SEMA6A: variants seen among roughly 807,000 people sequenced by gnomAD.
SEMA6A encodes the protein semaphorin-6A.
SEMA6A carries 25 observed loss-of-function variants against 96.8 expected under a neutral mutation model. The ratio of observed to expected loss-of-function variants is 0.26; its 90% CI spans 0.19 to 0.36. The LOEUF is 0.36. SEMA6A is among the 10% of genes least tolerant of loss of function. The pLI is 1.00. For synonymous variants in SEMA6A, 612 were observed against 518.0 expected, an observed-to-expected ratio of 1.18 and a Z score of -2.46; for missense variants, 1,363 against 1,323.1, an observed-to-expected ratio of 1.03 and a Z score of -0.47.
In SEMA6A at chr5:116,467,800, C is replaced by T. The variant is rs765394465; in HGVS notation, c.1730-53G>A. On this transcript the variant is annotated intron_variant, in intron 17 of 18. Coordinates refer to ENST00000343348, the MANE Select transcript of SEMA6A (RefSeq NM_020796.5). ...AAACATCACCAGAGAGACCCACATT[C>T]CCTTTGCGCAGAGGCCTGGAGGTGG... 2.5e-6 allele frequency: 4 copies of T among 1,590,916 alleles called. No homozygotes were observed. The South Asian group carries it at 3.4e-5, about 14-fold the overall frequency.
chr5:116,450,177 G>A (rs1313193501), intron 18 of SEMA6A, among the ~76,000 whole-genome samples: 1 of 152,142 alleles, frequency 6.6e-6, no homozygotes, highest in African/African-American at 2.4e-5. Flanking sequence ...TGGATAAAAT[G>A]GTTTTAATTT....
Position 116,495,623 on chromosome 5 carries a change from G to A in SEMA6A, c.343-109C>T, listed in dbSNP as rs2112746801. The stretch of plus-strand genomic sequence containing the variant: ...GTAAGGTTAAAGTGGAGGTGGCTGA[G>A]GACTTCTCCCATTAAAAGTTCAAGT... On this transcript the variant is annotated intron_variant, in intron 5 of 18. Coordinates refer to ENST00000343348, the MANE Select transcript of SEMA6A (RefSeq NM_020796.5). 4 of 710,898 alleles carry A rather than the reference G, an allele frequency of 5.6e-6. No homozygotes were observed. The South Asian group carries it at 5.6e-5, about 10-fold the overall frequency. 44.0% of individuals were successfully genotyped at this position (710,898 alleles called of 1,614,324 possible). A position where few individuals can be genotyped will look rare whatever the true frequency, so the allele number is the denominator to read the frequency against.
chr5:116,484,629 A>AG (rs1298916275), intron 10 of SEMA6A, among the ~76,000 whole-genome samples: 1 of 148,548 alleles, frequency 6.7e-6, no homozygotes, highest in Non-Finnish European at 1.5e-5. Context: ...TCTCAGGAAA[A>AG]AAAAAATAAT....
At chr5:116,545,448 T>G (rs1322531114) in intron 1 of SEMA6A, among the ~76,000 whole-genome samples, 1 of 152,070 alleles carries the variant, frequency 6.6e-6, no homozygotes, top group Non-Finnish European at 1.5e-5. Flanking sequence ...CAGGCACCTG[T>G]AATCCCAGCT....
intron 18 of SEMA6A, among the ~76,000 whole-genome samples, chr5:116,448,107 G>A (rs1270081157): frequency 2.0e-5 from 3 of 150,872 alleles, no homozygotes; most frequent in Admixed American, 6.6e-5. Flanking sequence ...GCCGAGGCGG[G>A]TGGATCACGA....
At chr5:116,560,867 A>G (rs247455) in intron 1 of SEMA6A, among the ~76,000 whole-genome samples, 88,328 of 151,992 alleles carry the variant, frequency 0.58, 28,188 homozygotes, top group African/African-American at 0.87. Flanking sequence ...TTTAGGTCCC[A>G]GTTGCACTAA....
At chr5:116,573,324 C>A (rs955846937) in intron 1 of SEMA6A, among the ~76,000 whole-genome samples, 4 of 152,060 alleles carry the variant, frequency 2.6e-5, no homozygotes, top group East Asian at 1.9e-4. Context: ...CTTTCCAGAG[C>A]GAGACCGCGC....
At chr5:116,463,305 C>T (rs750111928) in intron 18 of SEMA6A, among the ~76,000 whole-genome samples, 1 of 152,226 alleles carries the variant, frequency 6.6e-6, no homozygotes, top group East Asian at 1.9e-4. Flanking sequence ...CCACCTAAAT[C>T]ATGCCATGTA....
intron 18 of SEMA6A, among the ~76,000 whole-genome samples, chr5:116,448,249 G>C (rs1381230403): frequency 6.6e-6 from 1 of 151,810 alleles, no homozygotes; most frequent in African/African-American, 2.4e-5. Flanking sequence ...CGGAGGCTGA[G>C]GTAGAGAATT....
intron 1 of SEMA6A, among the ~76,000 whole-genome samples, chr5:116,520,270 T>C (rs1018909199): frequency 1.3e-5 from 2 of 150,354 alleles, no homozygotes; most frequent in African/African-American, 5.0e-5. Flanking sequence ...TTTTTTTTTT[T>C]TCATCACTTT....
chr5:116,541,857 C>A (rs1759979821), intron 1 of SEMA6A, among the ~76,000 whole-genome samples: 1 of 152,014 alleles, frequency 6.6e-6, no homozygotes, highest in Admixed American at 6.6e-5. Flanking sequence ...AACAAACAAA[C>A]AAAAAATAGC....
intron 1 of SEMA6A, chr5:116,554,973 C>T (rs1760554765): frequency 6.6e-6 from 1 of 152,236 alleles, no homozygotes; most frequent in Non-Finnish European, 1.5e-5. Flanking sequence ...CCACTAGCAT[C>T]TGGTCAGGGT....
At chr5:116,550,774 A>C (rs1425185800) in intron 1 of SEMA6A, 1 of 152,198 alleles carries the variant, frequency 6.6e-6, no homozygotes, top group Non-Finnish European at 1.5e-5. Context: ...TCTTACACAT[A>C]AGGAACATTA....
At chr5:116,470,567 T>A (rs1756063138) in intron 17 of SEMA6A, among the ~76,000 whole-genome samples, 1 of 152,198 alleles carries the variant, frequency 6.6e-6, no homozygotes, top group South Asian at 2.1e-4. Flanking sequence ...ACAATGTTTG[T>A]AGACAATTAG....
rs1761375502 is a variant in SEMA6A, at chr5:116,574,390, G to C, written c.-244C>G. 6.6e-6 allele frequency: 1 copy of C among 151,948 alleles called. No individual in the cohort carries two copies. Among genetic ancestry groups the C allele is most frequent in the African/African-American group, 2.4e-5 (1 of 41,196 alleles). The allele number at this position is 151,948 out of a possible 1,614,324, so 9.4% of individuals were successfully genotyped here. On this transcript the variant is annotated 5_prime_UTR_variant, in exon 1 of 19. Transcript: ENST00000343348. ...CTACTTTCTGGGATGCAAACGCGAT[G>C]TGTTCATCTCCAATGACGAGCGGAG...
chr5:116,488,760 A>G (rs1276332439), intron 8 of SEMA6A, 128 bp downstream of exon 8: 1 of 1,173,886 alleles, frequency 8.5e-7, no homozygotes, highest in Non-Finnish European at 1.1e-6. Flanking sequence ...GATGCAATTT[A>G]CATGTTTCTG....
chr5:116,552,436 T>C (rs1040317073), intron 1 of SEMA6A, among the ~76,000 whole-genome samples: 2 of 152,214 alleles, frequency 1.3e-5, no homozygotes, highest in East Asian at 1.9e-4. Context: ...AGATGGTGCA[T>C]ATAAAAAAGC....
intron 15 of SEMA6A, 49 bp from the exon 16 acceptor site, chr5:116,475,652 G>A (rs553362709): frequency 1.4e-5 from 19 of 1,375,984 alleles, no homozygotes; most frequent in Non-Finnish European, 1.9e-5. Context: ...ACAATAACGT[G>A]AGTCTTCAGA....
At chr5:116,458,671 G>C (rs1291299726) in intron 18 of SEMA6A, among the ~76,000 whole-genome samples, 1 of 151,932 alleles carries the variant, frequency 6.6e-6, no homozygotes, top group African/African-American at 2.4e-5. Context: ...CTCAAATACG[G>C]GTGTGCAAAT....
Sources: allele counts gnomAD v4.1 joint callset (sites outside exome capture counted in the v4.1 genomes callset), GRCh38; gene constraint gnomAD v4.1.1; transcripts MANE v1.5; gene names NCBI Gene and HGNC (gene_info 2026-07-23, HGNC 2026-07-21).